RSBN1L: variants seen among roughly 807,000 people sequenced by gnomAD.
The protein encoded by RSBN1L is round spermatid basic protein 1 like.
In RSBN1L, 30 loss-of-function variants were observed where a neutral mutation model predicts 67.7. That is an observed-to-expected ratio of 0.44 (90% CI 0.33 to 0.60). The LOEUF (loss-of-function observed/expected upper bound fraction) is 0.60, where lower values mean the gene tolerates loss of function less well. RSBN1L is among the 20% of genes least tolerant of loss of function. The probability of loss-of-function intolerance (pLI) is 0.02; values close to 1 mark genes in which losing one functional copy is unlikely to be tolerated. For missense variants in RSBN1L, 992 were observed against 1,031.7 expected, an observed-to-expected ratio of 0.96 and a Z score of 0.53; for synonymous variants, 433 against 387.0, an observed-to-expected ratio of 1.12 and a Z score of -1.39.
chr7:77,720,107 T>A (rs1344260386), intron 1 of RSBN1L, among the ~76,000 whole-genome samples: 1 of 152,216 alleles, frequency 6.6e-6, no homozygotes, highest in Non-Finnish European at 1.5e-5. Context: ...TGTGTGTTCT[T>A]GTGACTATTG....
At chr7:77,753,271 T>C (rs1453534778) in intron 3 of RSBN1L, among the ~76,000 whole-genome samples, 1 of 152,226 alleles carries the variant, frequency 6.6e-6, no homozygotes, top group Non-Finnish European at 1.5e-5. Flanking sequence ...GTGGCAGTGT[T>C]TCACATCCTT....
At chr7:77,772,152 C>T (rs1489347369) in intron 5 of RSBN1L, among the ~76,000 whole-genome samples, 2 of 152,002 alleles carry the variant, frequency 1.3e-5, no homozygotes, top group African/African-American at 4.8e-5. Context: ...ACATGTAGAA[C>T]ATTATTCACA....
At position 77,725,243 on chromosome 7, in the gene RSBN1L, A is replaced by AATTTTTTTTTTTTTTTTTTTTTTT. The variant is rs1554338354; in HGVS notation, c.587-11167_587-11166insATTTTTTTTTTTTTTTTTTTTTTT. Among the ~76,000 whole-genome samples the AATTTTTTTTTTTTTTTTTTTTTTT allele has an allele frequency of 3.8e-4, 22 of 57,884 alleles. 2 individuals are homozygous for AATTTTTTTTTTTTTTTTTTTTTTT. The highest frequency in any genetic ancestry group is 1.9e-3 in the African/African-American group (22 of 11,306). The allele number at this position is 57,884 out of a possible 152,430, so 38.0% of individuals were successfully genotyped here. ...TTTCTTCCCTAGGGATAAGCCCCCC[A>AATTTTTTTTTTTTTTTTTTTTTTT]CTTTTTTTTTTTTTTTTTTTTTGAG... On this transcript the variant is annotated intron_variant, in intron 1 of 7. Coordinates refer to ENST00000334955, the MANE Select transcript of RSBN1L (RefSeq NM_198467.3).
intron 1 of RSBN1L, among the ~76,000 whole-genome samples, chr7:77,703,246 G>T (rs1176374821): frequency 6.6e-6 from 1 of 152,148 alleles, no homozygotes; most frequent in East Asian, 1.9e-4. Flanking sequence ...AGGAGTGTGT[G>T]TTTGTGGGTA....
intron 2 of RSBN1L, among the ~76,000 whole-genome samples, chr7:77,744,481 C>G (rs1791455867): frequency 6.6e-6 from 1 of 151,498 alleles, no homozygotes; most frequent in Non-Finnish European, 1.5e-5. Flanking sequence ...TAGAGATAGA[C>G]TTTTTTTTTG....
At chr7:77,736,016 T>C (rs768124227) in intron 1 of RSBN1L, among the ~76,000 whole-genome samples, 1 of 152,120 alleles carries the variant, frequency 6.6e-6, no homozygotes, top group Non-Finnish European at 1.5e-5. Flanking sequence ...ATTTACAGAT[T>C]AGGAAACTGA....
rs577145213 is a variant in RSBN1L at position 77,781,455 on chromosome 7, T to G, written c.*2287T>G. 6.6e-6 allele frequency: 1 copy of G among 152,192 alleles called. No individual in the cohort carries two copies. Among genetic ancestry groups the G allele is most frequent in the Non-Finnish European group, 1.5e-5 (1 of 68,038 alleles). The allele number at this position is 152,192 out of a possible 1,614,324, so 9.4% of individuals were successfully genotyped here. On this transcript the variant is annotated 3_prime_UTR_variant, in exon 8 of 8. Coordinates refer to ENST00000334955, the MANE Select transcript of RSBN1L (RefSeq NM_198467.3). The stretch of plus-strand genomic sequence containing the variant: ...TCTGTTTCTCTTTAAAGTTGAAGAA[T>G]GATATATTTAACAAGAGTTGTGTTT...
At chr7:77,703,007 A>G (rs968771145) in intron 1 of RSBN1L, among the ~76,000 whole-genome samples, 1 of 152,192 alleles carries the variant, frequency 6.6e-6, no homozygotes, top group Non-Finnish European at 1.5e-5. Context: ...TTGGGGAGGC[A>G]TGATTCAGTC....
intron 1 of RSBN1L, among the ~76,000 whole-genome samples, chr7:77,701,111 C>T (rs1265807585): frequency 4.0e-5 from 4 of 100,056 alleles, no homozygotes; most frequent in Non-Finnish European, 7.9e-5. Flanking sequence ...GAGATGGCGT[C>T]ACTGTACTCC....
At chr7:77,698,092 C>G (rs1206035650) in intron 1 of RSBN1L, among the ~76,000 whole-genome samples, 1 of 152,230 alleles carries the variant, frequency 6.6e-6, no homozygotes, top group Non-Finnish European at 1.5e-5. Flanking sequence ...CTAACAGTAG[C>G]TCAGATCATG....
chr7:77,748,826 T>C (rs991684925), intron 2 of RSBN1L, among the ~76,000 whole-genome samples: 3 of 152,214 alleles, frequency 2.0e-5, no homozygotes, highest in Admixed American at 1.3e-4. Flanking sequence ...TCCTTATTTC[T>C]GTAAACTGTG....
At chr7:77,712,047 TA>T (rs1443216231) in intron 1 of RSBN1L, among the ~76,000 whole-genome samples, 1 of 106,424 alleles carries the variant, frequency 9.4e-6, no homozygotes, top group African/African-American at 5.6e-5. Flanking sequence ...TTTGACATTT[TA>T]TAATTGTATG....
chr7:77,696,944 A>C lies in RSBN1L; in HGVS notation c.475A>C (p.Arg159=), dbSNP rs1394384256. ...TGCCTCGGCTAACGCCAAGTCGCGC[A>C]GACCTAAGGAGAAGCGGGAGAAGGA... ...AAASANAKSR[R]PKEKREKERR... Residue 159 remains arginine, a synonymous_variant, in exon 1 of 8, where the codon AGA becomes CGA. Coordinates refer to ENST00000334955, the MANE Select transcript of RSBN1L (RefSeq NM_198467.3). 1 of 1,593,964 alleles carries C rather than the reference A, an allele frequency of 6.3e-7. No homozygotes were observed.
intron 1 of RSBN1L, among the ~76,000 whole-genome samples, chr7:77,723,661 C>T (rs1257020438): frequency 1.3e-5 from 2 of 152,012 alleles, no homozygotes. Context: ...TTTGGCTGGG[C>T]GTGGTGGCTC....
chr7:77,733,088 G>A (rs956511510), intron 1 of RSBN1L, among the ~76,000 whole-genome samples: 7 of 152,138 alleles, frequency 4.6e-5, no homozygotes, highest in African/African-American at 1.7e-4. Flanking sequence ...GAGCCCAGGA[G>A]TTCGAGACCA....
At chr7:77,722,400 A>T (rs941906089) in intron 1 of RSBN1L, among the ~76,000 whole-genome samples, 4 of 152,124 alleles carry the variant, frequency 2.6e-5, no homozygotes, top group African/African-American at 9.7e-5. Flanking sequence ...GTCAGGTAGG[A>T]TAGTACAGTT....
chr7:77,753,135 A>G (rs1248164609), intron 3 of RSBN1L, among the ~76,000 whole-genome samples: 2 of 152,162 alleles, frequency 1.3e-5, no homozygotes, highest in African/African-American at 2.4e-5. Context: ...CTTGATGAGC[A>G]TATGTATGTG....
chr7:77,740,488 A>G (rs1025203347), intron 2 of RSBN1L, among the ~76,000 whole-genome samples: 13 of 152,336 alleles, frequency 8.5e-5, no homozygotes, highest in Admixed American at 7.2e-4. Context: ...AAGAGTGACA[A>G]CATTGCAGTG....
At chr7:77,729,034 T>C (rs562655471) in intron 1 of RSBN1L, among the ~76,000 whole-genome samples, 1 of 152,314 alleles carries the variant, frequency 6.6e-6, no homozygotes, top group African/African-American at 2.4e-5. Context: ...TTTTAACATA[T>C]TGAAAATATT....
Sources: allele counts gnomAD v4.1 joint callset (sites outside exome capture counted in the v4.1 genomes callset), GRCh38; gene constraint gnomAD v4.1.1; transcripts MANE v1.5; gene names NCBI Gene and HGNC (gene_info 2026-07-23, HGNC 2026-07-21).